Variants in SHC3 observed in about 807,000 individuals in gnomAD.
SHC3 encodes SHC adaptor protein 3.
SHC3 carries 15 observed loss-of-function variants against 60.4 expected under a neutral mutation model. The ratio of observed to expected loss-of-function variants is 0.25; its 90% CI spans 0.17 to 0.38. The LOEUF (loss-of-function observed/expected upper bound fraction) is 0.38. SHC3 is among the 10% of genes least tolerant of loss of function. The pLI, the probability that SHC3 is intolerant of heterozygous loss-of-function variation, is 1.00. For synonymous variants in SHC3, 294 were observed against 325.9 expected, an observed-to-expected ratio of 0.90 and a Z score of 1.05; for missense variants, 677 against 786.1, an observed-to-expected ratio of 0.86 and a Z score of 1.66.
intron 11 of SHC3, among the ~76,000 whole-genome samples, chr9:89,020,870 C>T (rs2316280): frequency 0.15 from 22,737 of 152,100 alleles, 2,170 homozygotes; most frequent in Non-Finnish European, 0.21. Flanking sequence ...CCACTGGGTG[C>T]GGTACCTTGG....
chr9:89,007,691 T>C lies in SHC3; in HGVS notation c.*5756A>G, dbSNP rs757157446. 3 of 152,282 alleles carry C rather than the reference T, an allele frequency of 2.0e-5. No homozygotes were observed. Among genetic ancestry groups the C allele is most frequent in the Non-Finnish European group, 4.4e-5 (3 of 68,076 alleles). 9.4% of individuals were successfully genotyped at this position (152,282 alleles called of 1,614,324 possible). ...CTATGCATGGCTGCATGAAGGAAGA[T>C]CTAAATCTGGACTTGTTTTATCCTC... On this transcript the variant is annotated 3_prime_UTR_variant, in exon 12 of 12. Coordinates refer to ENST00000375835, the MANE Select transcript of SHC3 (RefSeq NM_016848.6).
chr9:89,177,927 G>C, intron 1 of SHC3, 60 bp downstream of exon 1: 3 of 1,166,404 alleles, frequency 2.6e-6, no homozygotes, highest in Non-Finnish European at 3.2e-6. Flanking sequence ...GAATGAAGGA[G>C]TCTGCCCCGA....
At position 89,049,311 on chromosome 9, in the gene SHC3, C is replaced by T. The variant is rs549286090; in HGVS notation, c.963-2317G>A. On this transcript the variant is annotated intron_variant, in intron 7 of 11. Transcript: ENST00000375835. Reference sequence around the variant, plus strand: ...CAAAACAAAACCAGAAATGATATGCCAATACTTGCATTTGGAGGCGACATT... The same window carrying T: ...CAAAACAAAACCAGAAATGATATGCTAATACTTGCATTTGGAGGCGACATT... 9.2e-5 allele frequency among the ~76,000 whole-genome samples: 14 copies of T among 151,884 alleles called. No homozygotes were observed. In the South Asian group the frequency reaches 1.7e-3, roughly 18 times the overall value.
intron 11 of SHC3, among the ~76,000 whole-genome samples, chr9:89,035,940 A>T (rs1824572172): frequency 6.6e-6 from 1 of 150,776 alleles, no homozygotes; most frequent in Non-Finnish European, 1.5e-5. Flanking sequence ...AGTTGGAATT[A>T]AAGTCTACAT....
intron 2 of SHC3, chr9:89,110,386 G>A: frequency 1.0e-6 from 1 of 984,990 alleles, no homozygotes; most frequent in African/African-American, 1.7e-5. Context: ...AACTTAATTA[G>A]GACATTAGAT....
At chr9:89,120,055 T>C (rs1826070838) in intron 1 of SHC3, among the ~76,000 whole-genome samples, 1 of 152,202 alleles carries the variant, frequency 6.6e-6, no homozygotes, top group African/African-American at 2.4e-5. Context: ...CGTGTGTTAC[T>C]GTGGTGTAGA....
chr9:89,142,515 T>G (rs1284872738), intron 1 of SHC3, among the ~76,000 whole-genome samples: 1 of 151,934 alleles, frequency 6.6e-6, no homozygotes, highest in Non-Finnish European at 1.5e-5. Context: ...AAATCCCATC[T>G]CTATTAAAAA....
chr9:89,038,388 G>T, intron 10 of SHC3, 100 bp from the exon 11 acceptor site: 1 of 1,303,742 alleles, frequency 7.7e-7, no homozygotes, highest in South Asian at 1.5e-5. Context: ...GAAATGCAAA[G>T]GCAACTCCTC....
chr9:89,067,292 C>A (rs1479933045), intron 5 of SHC3, among the ~76,000 whole-genome samples: 2 of 152,204 alleles, frequency 1.3e-5, no homozygotes, highest in Admixed American at 1.3e-4. Context: ...TCTAAGATAG[C>A]ACTAGATTTC....
intron 4 of SHC3, among the ~76,000 whole-genome samples, chr9:89,072,929 T>A (rs933298957): frequency 6.6e-6 from 1 of 152,226 alleles, no homozygotes; most frequent in South Asian, 2.1e-4. Flanking sequence ...CTTTGGTTAT[T>A]GGCACTTACA....
intron 7 of SHC3, among the ~76,000 whole-genome samples, chr9:89,050,371 C>T (rs2117919374): frequency 6.6e-6 from 1 of 152,318 alleles, no homozygotes; most frequent in Admixed American, 6.5e-5. Context: ...CTGCAACCGC[C>T]ACCTCCCGAG....
chr9:89,060,911 T>C (rs1035850420), intron 6 of SHC3, among the ~76,000 whole-genome samples: 1 of 151,804 alleles, frequency 6.6e-6, no homozygotes, highest in Non-Finnish European at 1.5e-5. Context: ...CGGGAAGGGG[T>C]TGCGGTTGAT....
In SHC3 at chr9:89,178,461, GC is replaced by G; in HGVS notation, c.-2del. On this transcript the variant is annotated 5_prime_UTR_variant, in exon 1 of 12. Coordinates refer to ENST00000375835, the MANE Select transcript of SHC3 (RefSeq NM_016848.6). The surrounding 1 kb of genome is among the most constrained non-coding windows in gnomAD (Gnocchi z 6.9). ...GGTTATACTTGGTGCGTGGAAGCAT[GC>G]CCCTCCGTGGGCTCGCTGCATCCGC... 2 of 1,433,454 alleles carry G rather than the reference GC, an allele frequency of 1.4e-6. No individual in the cohort carries two copies. Among genetic ancestry groups the G allele is most frequent in the South Asian group, 1.5e-5 (1 of 64,820 alleles). The allele number at this position is 1,433,454 out of a possible 1,614,324, so 88.8% of individuals were successfully genotyped here.
chr9:89,018,065 T>TTACTAA (rs1826126329), intron 11 of SHC3, among the ~76,000 whole-genome samples: 1 of 152,172 alleles, frequency 6.6e-6, no homozygotes, highest in Non-Finnish European at 1.5e-5. Context: ...AGTTCAAACA[T>TTACTAA]TGTGGAAGAC....
chr9:89,105,181 G>A (rs900144069), intron 2 of SHC3, among the ~76,000 whole-genome samples: 1 of 152,132 alleles, frequency 6.6e-6, no homozygotes, highest in African/African-American at 2.4e-5. Context: ...ATGCCCCTCT[G>A]TACTTGTGGG....
intron 2 of SHC3, among the ~76,000 whole-genome samples, chr9:89,095,703 G>A (rs915642148): frequency 2.6e-5 from 4 of 151,980 alleles, no homozygotes; most frequent in Non-Finnish European, 4.4e-5. Flanking sequence ...AGAGCTATGG[G>A]CACAGTCACA....
At chr9:89,024,325 T>G (rs1422956694) in intron 11 of SHC3, among the ~76,000 whole-genome samples, 1 of 152,208 alleles carries the variant, frequency 6.6e-6, no homozygotes, top group Non-Finnish European at 1.5e-5. Context: ...TCACCCAGGC[T>G]GGAGTGCAAT....
At chr9:89,063,674 G>C (rs1384897109) in intron 6 of SHC3, among the ~76,000 whole-genome samples, 1 of 152,212 alleles carries the variant, frequency 6.6e-6, no homozygotes, top group African/African-American at 2.4e-5. Context: ...GACCAGCCCA[G>C]ACTCTCTAGC....
At chr9:89,114,193 C>T (rs761450161) in intron 1 of SHC3, among the ~76,000 whole-genome samples, 20 of 152,100 alleles carry the variant, frequency 1.3e-4, no homozygotes, top group Admixed American at 4.6e-4. Context: ...TATGAAGATA[C>T]CACAAAAAAA....
Sources: gnomAD v4.1 joint callset for allele counts (sites outside exome capture counted in the v4.1 genomes callset) on GRCh38, gnomAD v4.1.1 for gene constraint, Gnocchi (gnomAD v3.1) non-coding constraint, MANE v1.5 for transcripts, NCBI Gene and HGNC (gene_info 2026-07-23, HGNC 2026-07-21) for gene names.